The following ADAM29 variants were observed in gnomAD, a reference collection of about 807,000 sequenced individuals.
ADAM29 encodes the protein ADAM metallopeptidase domain 29.
For synonymous variants in ADAM29, 367 were observed against 342.3 expected, an observed-to-expected ratio of 1.07 and a Z score of -0.80; for missense variants, 969 against 1,001.8, an observed-to-expected ratio of 0.97 and a Z score of 0.44.
intron 2 of ADAM29, among the ~76,000 whole-genome samples, chr4:174,928,494 T>TG (rs1743650763): frequency 7.2e-6 from 1 of 138,484 alleles, no homozygotes; most frequent in African/African-American, 2.7e-5. Flanking sequence ...GTAAGACCCA[T>TG]GGGAAGGGAG....
intron 4 of ADAM29, among the ~76,000 whole-genome samples, chr4:174,973,377 T>C (rs1171226501): frequency 6.6e-6 from 1 of 152,212 alleles, no homozygotes; most frequent in African/African-American, 2.4e-5. Flanking sequence ...TGAGAGGATG[T>C]TCTGAATCTC....
chr4:174,976,985 G>A lies in ADAM29; in HGVS notation c.1460G>A (p.Cys487Tyr), dbSNP rs777422430. ...DDFYVEDGIP[C>Y]KERGYCYEKS... ...TTTTATGTGGAAGATGGAATTCCCT[G>A]TAAGGAGAGGGGCTACTGCTATGAA... The change falls in exon 5 of 5, where the codon TGT becomes TAT. Residue 487 changes from cysteine (C) to tyrosine (Y), a missense_variant. Cys to Tyr is a radical substitution (Grantham distance 194). Coordinates refer to ENST00000359240, the MANE Select transcript of ADAM29 (RefSeq NM_014269.4). 1.2e-6 allele frequency: 2 copies of A among 1,614,030 alleles called. No individual in the cohort carries two copies. Among genetic ancestry groups the A allele is most frequent in the Admixed American group, 1.7e-5 (1 of 60,012 alleles).
At position 174,977,331 on chromosome 4, in the gene ADAM29, A is replaced by C. The variant is rs776055305; in HGVS notation, c.1806A>C (p.Thr602=). The C allele has an allele frequency of 9.7e-5, 156 of 1,613,534 alleles. No homozygotes were observed. The highest frequency in any genetic ancestry group is 1.2e-4 in the Non-Finnish European group (145 of 1,180,046). The change falls in exon 5 of 5, where the codon ACA becomes ACC. Residue 602 remains threonine (T), a synonymous_variant. Coordinates refer to ENST00000359240, the MANE Select transcript of ADAM29 (RefSeq NM_014269.4). The part of the protein sequence containing the change: ...GPDIGEVKDG[T]ECGIDHICIH... ...ATATTGGTGAAGTGAAAGATGGAACAGAGTGTGGGATAGATCATATATGCA... is the reference window on the plus strand; with the variant it reads ...ATATTGGTGAAGTGAAAGATGGAACCGAGTGTGGGATAGATCATATATGCA...
At chr4:174,936,226 G>A (rs1391965088) in intron 3 of ADAM29, among the ~76,000 whole-genome samples, 1 of 151,994 alleles carries the variant, frequency 6.6e-6, no homozygotes, top group Non-Finnish European at 1.5e-5. Flanking sequence ...TAATATCAAT[G>A]TAATTTCGAC....
intron 4 of ADAM29, among the ~76,000 whole-genome samples, chr4:174,974,429 A>T (rs537346269): frequency 6.6e-6 from 1 of 152,320 alleles, no homozygotes; most frequent in South Asian, 2.1e-4. Flanking sequence ...TCTTTTTATT[A>T]ACCATCCTTC....
rs1401651289 is a variant in ADAM29, at chr4:174,977,994, A to G, written c.*6A>G. The G allele has an allele frequency of 1.3e-6, 2 of 1,596,248 alleles. No homozygotes were observed. The highest frequency in any genetic ancestry group is 1.7e-6 in the Non-Finnish European group (2 of 1,169,908). Reference sequence around the variant, plus strand: ...CTCCTGTGACGCCCTCCTAGAGCCAACCTCAGTTGATGCCTTCCCAGAGTC... The same window carrying G: ...CTCCTGTGACGCCCTCCTAGAGCCAGCCTCAGTTGATGCCTTCCCAGAGTC... On this transcript the variant is annotated 3_prime_UTR_variant, in exon 5 of 5. Coordinates refer to ENST00000359240, the MANE Select transcript of ADAM29 (RefSeq NM_014269.4).
intron 4 of ADAM29, among the ~76,000 whole-genome samples, chr4:174,943,488 G>A (rs1350845223): frequency 6.6e-6 from 1 of 152,198 alleles, no homozygotes; most frequent in African/African-American, 2.4e-5. Context: ...CAAAGGGGAA[G>A]CAAGTAACAT....
At chr4:174,932,779 G>C (rs1441534192) in intron 3 of ADAM29, among the ~76,000 whole-genome samples, 1 of 152,132 alleles carries the variant, frequency 6.6e-6, no homozygotes, top group African/African-American at 2.4e-5. Flanking sequence ...AAACCAAAGG[G>C]CTAGACACTA....
At chr4:174,925,367 AT>A (rs34742792) in intron 2 of ADAM29, among the ~76,000 whole-genome samples, 68,547 of 151,010 alleles carry the variant, frequency 0.45, 15,979 homozygotes, top group East Asian at 0.69. Flanking sequence ...CTATCTTTGC[AT>A]TTTTTTTTTC....
intron 4 of ADAM29, among the ~76,000 whole-genome samples, chr4:174,943,053 G>A (rs1744632423): frequency 6.6e-6 from 1 of 152,140 alleles, no homozygotes; most frequent in Non-Finnish European, 1.5e-5. Flanking sequence ...GAAAAATGTT[G>A]CCAGTCGCTT....
chr4:174,961,241 T>A (rs993223023), intron 4 of ADAM29, among the ~76,000 whole-genome samples: 22 of 151,938 alleles, frequency 1.4e-4, no homozygotes, highest in Non-Finnish European at 2.5e-4. Context: ...CCTTTTTACA[T>A]ACAGTAATAC....
At chr4:174,922,528 C>A (rs887503156) in intron 2 of ADAM29, among the ~76,000 whole-genome samples, 1 of 152,042 alleles carries the variant, frequency 6.6e-6, no homozygotes, top group South Asian at 2.1e-4. Context: ...TCAATCAGCA[C>A]GAGCATAAGA....
At chr4:174,959,514 A>T (rs554626156) in intron 4 of ADAM29, among the ~76,000 whole-genome samples, 1 of 150,214 alleles carries the variant, frequency 6.7e-6, no homozygotes, top group Non-Finnish European at 1.5e-5. Context: ...TGAATGAAAT[A>T]TTTACCCTGC....
intron 4 of ADAM29, among the ~76,000 whole-genome samples, chr4:174,956,714 T>C (rs1745526257): frequency 6.6e-6 from 1 of 151,832 alleles, no homozygotes; most frequent in Non-Finnish European, 1.5e-5. Context: ...TGAATTCTCC[T>C]ACCGTCTCTG....
At chr4:174,939,413 T>G (rs1744396656) in intron 4 of ADAM29, among the ~76,000 whole-genome samples, 1 of 152,168 alleles carries the variant, frequency 6.6e-6, no homozygotes, top group Non-Finnish European at 1.5e-5. Flanking sequence ...TCGAATATTC[T>G]GAAAATAGGA....
intron 4 of ADAM29, among the ~76,000 whole-genome samples, chr4:174,953,870 C>A (rs959886611): frequency 1.3e-5 from 2 of 152,040 alleles, no homozygotes; most frequent in Admixed American, 6.5e-5. Context: ...CCACCATGCC[C>A]AGCTAATTTT....
In ADAM29 at chr4:174,975,844, G is replaced by A; in HGVS notation, c.319G>A (p.Glu107Lys). ...QNNCYYHGYV[E>K]GDPESLVSLS... is the part of the protein sequence containing the mutation. ...TAACTGCTACTATCATGGTTATGTG[G>A]AAGGGGACCCAGAATCCCTGGTTTC... The change falls in exon 5 of 5, where the codon GAA (glutamate) becomes AAA (lysine). Residue 107 changes from glutamate (E) to lysine (K), a missense_variant. Physicochemically the swap from Glu to Lys is moderately conservative, Grantham distance 56 (BLOSUM62 1). Coordinates refer to ENST00000359240, the MANE Select transcript of ADAM29 (RefSeq NM_014269.4). 1 of 1,614,098 alleles carries A rather than the reference G, an allele frequency of 6.2e-7. No homozygotes were observed. The highest frequency in any genetic ancestry group is 8.5e-7 in the Non-Finnish European group (1 of 1,180,004).
rs1396906611 is a variant in ADAM29 at position 174,975,423 on chromosome 4, G to A, written c.-103G>A. On this transcript the variant is annotated 5_prime_UTR_variant, in exon 5 of 5. Transcript: ENST00000359240. ...GCACTACACACTGACCAACTCAGAA[G>A]AAGGAGCCACACCACCTGTGACTCC... The A allele has an allele frequency of 5.8e-6, 7 of 1,214,318 alleles. No homozygotes were observed. In the South Asian group the frequency reaches 9.8e-5, roughly 17 times the overall value. 75.2% of individuals were successfully genotyped at this position (1,214,318 alleles called of 1,614,324 possible).
intron 4 of ADAM29, among the ~76,000 whole-genome samples, chr4:174,962,396 C>A (rs576415786): frequency 6.6e-6 from 1 of 151,644 alleles, no homozygotes; most frequent in East Asian, 1.9e-4. Flanking sequence ...CCTGTAGTCC[C>A]AGCTACTCGG....
Sources: allele counts gnomAD v4.1 joint callset (sites outside exome capture counted in the v4.1 genomes callset), GRCh38; gene constraint gnomAD v4.1.1; transcripts MANE v1.5; gene names NCBI Gene and HGNC (gene_info 2026-07-23, HGNC 2026-07-21).